ZHX1: variants seen among roughly 807,000 people sequenced by gnomAD.
The protein encoded by ZHX1 is zinc fingers and homeoboxes protein 1.
Under a neutral mutation model 61.8 loss-of-function variants are expected in ZHX1, and 20 were observed. That is an observed-to-expected ratio of 0.32 (90% CI 0.23 to 0.47). ZHX1 has a LOEUF of 0.47. ZHX1 is among the 20% of genes least tolerant of loss of function. The pLI, the probability that ZHX1 is intolerant of heterozygous loss-of-function variation, is 1.00. For missense variants in ZHX1, 800 were observed against 1,034.8 expected (o/e 0.77, Z 3.11); for synonymous variants, 318 against 352.6 (o/e 0.90, Z 1.10).
chr8:123,261,464 G>A (rs768002090), intron 2 of ZHX1, among the ~76,000 whole-genome samples: 1 of 152,062 alleles, frequency 6.6e-6, no homozygotes, highest in Non-Finnish European at 1.5e-5. Flanking sequence ...CAAATTTGTT[G>A]AATGTCAACC....
At chr8:123,258,912 G>A (rs958422624) in intron 2 of ZHX1, among the ~76,000 whole-genome samples, 12 of 152,182 alleles carry the variant, frequency 7.9e-5, no homozygotes, top group Non-Finnish European at 1.6e-4. Context: ...CCACAAATTA[G>A]AGCTATTTTT....
chr8:123,275,217 C>CGA (rs1809077232), upstream of ZHX1: 1 of 152,480 alleles, frequency 6.6e-6, no homozygotes, highest in East Asian at 1.9e-4. Flanking sequence ...GCGGGGCCAG[C>CGA]GAGGGCCAGG....
At chr8:123,250,347 CTG>C in intron 3 of ZHX1, 27 bp from the exon 4 acceptor site, 1 of 379,046 alleles carries the variant, frequency 2.6e-6, no homozygotes, top group South Asian at 1.9e-5. Context: ...TCATAAAAAA[CTG>C]AAAATTTAAA....
chr8:123,259,916 T>C (rs1826193584), intron 2 of ZHX1, among the ~76,000 whole-genome samples: 1 of 152,110 alleles, frequency 6.6e-6, no homozygotes, highest in South Asian at 2.1e-4. Flanking sequence ...TCCCAGCACT[T>C]TGGGAGGCCG....
chr8:123,253,628 T>C lies in ZHX1; in HGVS notation c.2319A>G (p.Pro773=), dbSNP rs531952560. 21 of 1,614,248 alleles carry C rather than the reference T, an allele frequency of 1.3e-5. No homozygotes were observed. The Admixed American group carries it at 1.8e-4, about 14-fold the overall frequency. ...SKRINNWDRG[P]SLIKFKTGTA... ...TTCCAGTTTTAAATTTTATGAGTGA[T>C]GGTCCCCTGTCCCAGTTGTTAATTC... The change falls in exon 3 of 4, where the codon CCA becomes CCG. Residue 773 remains proline (P), a synonymous_variant. Transcript: ENST00000395571.
At chr8:123,267,949 C>T (rs1021846693) in intron 1 of ZHX1, among the ~76,000 whole-genome samples, 3 of 152,184 alleles carry the variant, frequency 2.0e-5, no homozygotes, top group African/African-American at 7.2e-5. Context: ...TGCAGTGAGC[C>T]GAGATTGCGC....
Position 123,255,531 on chromosome 8 carries a change from T to C in ZHX1, c.416A>G (p.Asn139Ser). The change falls in exon 3 of 4, where the codon AAT (asparagine) becomes AGT (serine). Residue 139 changes from asparagine to serine, a missense_variant. Physicochemically the swap from Asn to Ser is conservative, Grantham distance 46. Transcript: ENST00000395571. ...TGTTTGTTCAAAGATTGTCTGGTTATTACGTTTCACCATAGTCAACTTAAA... is the reference window on the plus strand; with the variant it reads ...TGTTTGTTCAAAGATTGTCTGGTTACTACGTTTCACCATAGTCAACTTAAA... Reference protein sequence around the residue: ...ENFKLTMVKRNNQTIFEQTIN... With the variant: ...ENFKLTMVKRSNQTIFEQTIN... 2 of 1,613,460 alleles carry C rather than the reference T, an allele frequency of 1.2e-6. No individual in the cohort carries two copies. The highest frequency in any genetic ancestry group is 1.1e-5 in the South Asian group (1 of 91,002).
At chr8:123,271,732 C>G (rs1470591530) in intron 1 of ZHX1, among the ~76,000 whole-genome samples, 2 of 151,940 alleles carry the variant, frequency 1.3e-5, no homozygotes, top group African/African-American at 4.8e-5. Context: ...TGAACCACCT[C>G]TCCTATGCTA....
chr8:123,260,639 T>TAG (rs200280843), intron 2 of ZHX1, among the ~76,000 whole-genome samples: 1 of 151,420 alleles, frequency 6.6e-6, no homozygotes. Context: ...CATATATATA[T>TAG]AGAGAGAGAT....
chr8:123,259,926 G>A (rs916065325), intron 2 of ZHX1, among the ~76,000 whole-genome samples: 14 of 152,148 alleles, frequency 9.2e-5, no homozygotes, highest in Non-Finnish European at 1.8e-4. Flanking sequence ...TTGGGAGGCC[G>A]AGGCCAGTGG....
At chr8:123,268,575 T>C (rs1826541638) in intron 1 of ZHX1, among the ~76,000 whole-genome samples, 1 of 152,168 alleles carries the variant, frequency 6.6e-6, no homozygotes. Context: ...CACTGCAATC[T>C]CCGACTCCCT....
chr8:123,250,565 C>T (rs1022610723), intron 3 of ZHX1, among the ~76,000 whole-genome samples: 1 of 152,072 alleles, frequency 6.6e-6, no homozygotes, highest in African/African-American at 2.4e-5. Flanking sequence ...ACTGTATGAG[C>T]AGGGAGTATA....
chr8:123,269,480 T>C (rs1826571042), intron 1 of ZHX1, among the ~76,000 whole-genome samples: 1 of 152,144 alleles, frequency 6.6e-6, no homozygotes, highest in Non-Finnish European at 1.5e-5. Flanking sequence ...TTCCAAAAAT[T>C]AAAGAGCTCA....
chr8:123,256,038 G>T lies in ZHX1; in HGVS notation c.-92C>A. The T allele has an allele frequency of 8.1e-7, 1 of 1,239,992 alleles. No individual in the cohort carries two copies. Among genetic ancestry groups the T allele is most frequent in the Non-Finnish European group, 1.1e-6 (1 of 904,902 alleles). The allele number at this position is 1,239,992 out of a possible 1,614,324, so 76.8% of individuals were successfully genotyped here. A position where few individuals can be genotyped will look rare whatever the true frequency, so the allele number is the denominator to read the frequency against. ...CTTCATTTGAAAACAATGGCTTTTG[G>T]TTCTTCAAGTCCATTTTTGTGCTCA... is the stretch of plus-strand genomic sequence containing the variant. On this transcript the variant is annotated 5_prime_UTR_variant, in exon 3 of 4. Coordinates refer to ENST00000395571, the MANE Select transcript of ZHX1 (RefSeq NM_007222.5).
intron 1 of ZHX1, among the ~76,000 whole-genome samples, chr8:123,268,267 T>A (rs1007170289): frequency 9.2e-5 from 14 of 152,202 alleles, no homozygotes; most frequent in Non-Finnish European, 1.9e-4. Flanking sequence ...CGTTTTTGCC[T>A]GAAAGCTACT....
intron 1 of ZHX1, among the ~76,000 whole-genome samples, chr8:123,270,785 C>CAA (rs57900168): frequency 6.7e-4 from 39 of 58,000 alleles, no homozygotes; most frequent in African/African-American, 1.9e-3. Context: ...GACCCCGTCT[C>CAA]AAAAAAAAAA....
At chr8:123,269,960 C>A (rs1249886288) in intron 1 of ZHX1, among the ~76,000 whole-genome samples, 2 of 37,222 alleles carry the variant, frequency 5.4e-5, no homozygotes, top group East Asian at 7.4e-4. Context: ...ACTAATCAAT[C>A]AAATTTAACC....
At chr8:123,262,904 C>G (rs1007542276) in intron 2 of ZHX1, 8 of 149,784 alleles carry the variant, frequency 5.3e-5, no homozygotes, top group Non-Finnish European at 1.2e-4. Context: ...TAGCATGGCC[C>G]TTGGGCAAGG....
chr8:123,256,730 T>A (rs966748635), intron 2 of ZHX1, among the ~76,000 whole-genome samples: 2 of 151,238 alleles, frequency 1.3e-5, no homozygotes, highest in African/African-American at 4.9e-5. Context: ...TGCCACTACA[T>A]TCCAACCTGG....
Sources: gnomAD v4.1 joint callset for allele counts (sites outside exome capture counted in the v4.1 genomes callset) on GRCh38, gnomAD v4.1.1 for gene constraint, MANE v1.5 for transcripts, NCBI Gene and HGNC (gene_info 2026-07-23, HGNC 2026-07-21) for gene names.